Variants in SPIRE1 observed in about 807,000 individuals in gnomAD.
SPIRE1 encodes the protein protein spire homolog 1.
In SPIRE1, 40 loss-of-function variants were observed where a neutral mutation model predicts 94.1. That is an observed-to-expected ratio of 0.43 (90% CI 0.33 to 0.55). The LOEUF is 0.55. SPIRE1 is among the 20% of genes least tolerant of loss of function. The pLI is 0.06. For synonymous variants in SPIRE1, 376 were observed against 371.7 expected (o/e 1.01, Z -0.13); for missense variants, 838 against 975.2 (o/e 0.86, Z 1.87).
At chr18:12,563,099 G>GA (rs36126603) in intron 2 of SPIRE1, among the ~76,000 whole-genome samples, 81,572 of 151,518 alleles carry the variant, frequency 0.54, 23,188 homozygotes, top group Middle Eastern at 0.73. Flanking sequence ...ACAGTTGAAT[G>GA]AATGTTTAAT....
Position 12,447,119 on chromosome 18 carries a change from T to C in SPIRE1, c.*2519A>G, listed in dbSNP as rs1171667161. 1 of 152,164 alleles carries C rather than the reference T, an allele frequency of 6.6e-6. No homozygotes were observed. Among genetic ancestry groups the C allele is most frequent in the Non-Finnish European group, 1.5e-5 (1 of 68,044 alleles). The allele number at this position is 152,164 out of a possible 1,614,324, so 9.4% of individuals were successfully genotyped here. The stretch of plus-strand genomic sequence containing the variant: ...GAGGGAAGCACAGGTTTCCCAATAG[T>C]GTGACTTCATGACGTATGGGACAAA... On this transcript the variant is annotated 3_prime_UTR_variant, in exon 17 of 17. Coordinates refer to ENST00000409402, the MANE Select transcript of SPIRE1 (RefSeq NM_001128626.2).
At chr18:12,474,439 G>T (rs776276228) in intron 10 of SPIRE1, among the ~76,000 whole-genome samples, 1 of 151,992 alleles carries the variant, frequency 6.6e-6, no homozygotes, top group Non-Finnish European at 1.5e-5. Flanking sequence ...TGGTGGGTGG[G>T]GAAGGCTCTA....
intron 4 of SPIRE1, among the ~76,000 whole-genome samples, chr18:12,526,615 G>A (rs2144134885): frequency 6.6e-6 from 1 of 152,284 alleles, no homozygotes; most frequent in East Asian, 1.9e-4. Context: ...TGCACATAAA[G>A]TCAGAACAGC....
chr18:12,504,451 G>A (rs1237882053), intron 6 of SPIRE1, among the ~76,000 whole-genome samples: 3 of 152,108 alleles, frequency 2.0e-5, no homozygotes, highest in Non-Finnish European at 4.4e-5. Flanking sequence ...AGGTTGCAGT[G>A]AGCCAAGATC....
chr18:12,658,047 C>A lies in SPIRE1; in HGVS notation c.-181G>T. On this transcript the variant is annotated 5_prime_UTR_variant, in exon 1 of 17. Coordinates refer to ENST00000409402, the MANE Select transcript of SPIRE1 (RefSeq NM_001128626.2). ...GGAGGCGTGGGCAAGAGGAGGGCGG[C>A]GAGGACACGGCTGCAGTCCCGGTCA... 1.0e-6 allele frequency: 1 copy of A among 991,474 alleles called. No individual in the cohort carries two copies. Among genetic ancestry groups the A allele is most frequent in the Admixed American group, 6.1e-5 (1 of 16,378 alleles). The allele number at this position is 991,474 out of a possible 1,614,324, so 61.4% of individuals were successfully genotyped here. A position where few individuals can be genotyped will look rare whatever the true frequency, so the allele number is the denominator to read the frequency against.
At chr18:12,615,649 C>T (rs2037287787) in intron 2 of SPIRE1, among the ~76,000 whole-genome samples, 1 of 150,568 alleles carries the variant, frequency 6.6e-6, no homozygotes, top group African/African-American at 2.4e-5. Context: ...TGTAAAAATT[C>T]ATCAAGCTAT....
intron 2 of SPIRE1, 68 bp from the exon 3 acceptor site, chr18:12,546,972 T>A (rs2035192149): frequency 9.4e-7 from 1 of 1,062,480 alleles, no homozygotes; most frequent in African/African-American, 1.6e-5. Context: ...TTGTGAGGCA[T>A]AAGATGTTTA....
intron 2 of SPIRE1, among the ~76,000 whole-genome samples, chr18:12,563,013 A>G (rs1015061569): frequency 6.6e-6 from 1 of 152,208 alleles, no homozygotes; most frequent in Non-Finnish European, 1.5e-5. Flanking sequence ...ACTGTAATTT[A>G]ACATGAAAAG....
chr18:12,578,549 C>T (rs1016373680), intron 2 of SPIRE1, among the ~76,000 whole-genome samples: 4 of 152,214 alleles, frequency 2.6e-5, no homozygotes, highest in African/African-American at 9.6e-5. Context: ...AGTGATTACA[C>T]ACTCATCAAA....
chr18:12,632,091 A>G (rs1445360323), intron 2 of SPIRE1, among the ~76,000 whole-genome samples: 1 of 151,958 alleles, frequency 6.6e-6, no homozygotes, highest in African/African-American at 2.4e-5. Flanking sequence ...AGTCATTCTG[A>G]CAGTCTTCCT....
intron 2 of SPIRE1, among the ~76,000 whole-genome samples, chr18:12,576,701 A>G (rs908409696): frequency 2.0e-5 from 3 of 151,762 alleles, no homozygotes; most frequent in Non-Finnish European, 2.9e-5. Flanking sequence ...CATCCTGGCT[A>G]ACACGGTGAA....
At chr18:12,623,375 A>T (rs779914851) in intron 2 of SPIRE1, among the ~76,000 whole-genome samples, 2 of 151,724 alleles carry the variant, frequency 1.3e-5, no homozygotes, top group Non-Finnish European at 2.9e-5. Flanking sequence ...GGATGGTCTC[A>T]ATCTCCTGAC....
intron 12 of SPIRE1, among the ~76,000 whole-genome samples, chr18:12,455,647 G>C (rs77192254): frequency 0.017 from 2,515 of 152,302 alleles, 79 homozygotes; most frequent in African/African-American, 0.057. Context: ...CCCCGCACTT[G>C]ATTGGTGGAT....
intron 2 of SPIRE1, among the ~76,000 whole-genome samples, chr18:12,588,754 A>C (rs146577592): frequency 1.3e-5 from 2 of 152,302 alleles, no homozygotes; most frequent in East Asian, 3.9e-4. Context: ...AAACTCCGGA[A>C]AACTACACAG....
chr18:12,578,459 G>A (rs2036169672), intron 2 of SPIRE1, among the ~76,000 whole-genome samples: 1 of 152,202 alleles, frequency 6.6e-6, no homozygotes, highest in Non-Finnish European at 1.5e-5. Context: ...AACACATTCT[G>A]TATAGTTCAA....
intron 5 of SPIRE1, among the ~76,000 whole-genome samples, chr18:12,510,039 C>A (rs1305590934): frequency 6.0e-5 from 9 of 150,472 alleles, no homozygotes; most frequent in Non-Finnish European, 1.3e-4. Flanking sequence ...GAGCCGAGAT[C>A]ACGCCACTGT....
chr18:12,608,939 G>A (rs1419101541), intron 2 of SPIRE1, among the ~76,000 whole-genome samples: 1 of 152,126 alleles, frequency 6.6e-6, no homozygotes, highest in Non-Finnish European at 1.5e-5. Flanking sequence ...CACCAGGGAC[G>A]GTTACACGGA....
chr18:12,488,722 G>A (rs1006462455), intron 8 of SPIRE1, among the ~76,000 whole-genome samples: 10 of 152,160 alleles, frequency 6.6e-5, no homozygotes, highest in Admixed American at 6.5e-4. Context: ...ATGCATGTTA[G>A]ATGTGGCAAA....
At chr18:12,573,762 C>T (rs968431836) in intron 2 of SPIRE1, among the ~76,000 whole-genome samples, 6 of 150,792 alleles carry the variant, frequency 4.0e-5, no homozygotes, top group African/African-American at 7.3e-5. Flanking sequence ...TCCTTTGAGA[C>T]GGAGTTTTGC....
Sources: allele counts gnomAD v4.1 joint callset (sites outside exome capture counted in the v4.1 genomes callset), GRCh38; gene constraint gnomAD v4.1.1; transcripts MANE v1.5; gene names NCBI Gene and HGNC (gene_info 2026-07-23, HGNC 2026-07-21).